The following ANKRD11 variants were observed in gnomAD, a reference collection of about 807,000 sequenced individuals.
ANKRD11 encodes the protein ankyrin repeat domain-containing protein 11.
ANKRD11 carries 17 observed loss-of-function variants against 195.7 expected under a neutral mutation model. The ratio of observed to expected loss-of-function variants is 0.09; its 90% CI spans 0.06 to 0.13. ANKRD11 has a LOEUF of 0.13. Among genes scored for constraint, ANKRD11 ranks in the 10% least tolerant of loss-of-function variants. ANKRD11 has a pLI of 1.00. For synonymous variants in ANKRD11, 1,953 were observed against 1,528.1 expected (o/e 1.28, Z -6.49); for missense variants, 3,735 against 3,566.1 (o/e 1.05, Z -1.21).
intron 2 of ANKRD11, among the ~76,000 whole-genome samples, chr16:89,345,019 G>A (rs1413210016): frequency 6.6e-6 from 1 of 152,196 alleles, no homozygotes; most frequent in African/African-American, 2.4e-5. Context: ...TGAGGCAGGA[G>A]GAACGGCAAG....
chr16:89,461,717 G>A (rs553588315), intron 1 of ANKRD11, among the ~76,000 whole-genome samples: 2 of 152,180 alleles, frequency 1.3e-5, no homozygotes, highest in East Asian at 1.9e-4. Flanking sequence ...TCTTATTTAG[G>A]CTACCTAAAT....
At chr16:89,462,021 TCCCTCTCCCTCC>T (rs1193038052) in intron 1 of ANKRD11, among the ~76,000 whole-genome samples, 2 of 149,844 alleles carry the variant, frequency 1.3e-5, no homozygotes, top group Admixed American at 6.6e-5. Flanking sequence ...AGCGTCACGC[TCCCTCTCCCTCC>T]CCCTCTCCCT....
intron 1 of ANKRD11, 158 bp from the exon 2 acceptor site, chr16:89,418,526 AAACTT>A (rs1184784832): frequency 7.9e-6 from 2 of 253,664 alleles, no homozygotes; most frequent in Non-Finnish European, 1.6e-5. Flanking sequence ...GCCAAGGCCA[AAACTT>A]AACTTCATTC....
At chr16:89,405,063 G>A (rs925448223) in intron 2 of ANKRD11, among the ~76,000 whole-genome samples, 3 of 151,824 alleles carry the variant, frequency 2.0e-5, no homozygotes, top group African/African-American at 4.8e-5. Context: ...ACAGCCCGAC[G>A]CCCCGTCACA....
At chr16:89,436,708 G>A (rs1031936840) in intron 1 of ANKRD11, among the ~76,000 whole-genome samples, 18 of 152,298 alleles carry the variant, frequency 1.2e-4, no homozygotes, top group African/African-American at 3.8e-4. Context: ...ACACTGACAA[G>A]TCAACGGAGG....
intron 7 of ANKRD11, chr16:89,287,167 G>C: frequency 8.1e-7 from 1 of 1,230,492 alleles, no homozygotes; most frequent in Non-Finnish European, 1.1e-6. Context: ...CCCAGTCCCA[G>C]CTGCTTAGGG....
intron 3 of ANKRD11, among the ~76,000 whole-genome samples, chr16:89,316,491 G>A (rs199840082): frequency 2.6e-5 from 4 of 152,182 alleles, no homozygotes; most frequent in East Asian, 1.9e-4. Flanking sequence ...AGCGTTAACC[G>A]CACATTAATA....
chr16:89,321,729 G>C (rs2151936977), intron 2 of ANKRD11, among the ~76,000 whole-genome samples: 1 of 152,216 alleles, frequency 6.6e-6, no homozygotes, highest in Non-Finnish European at 1.5e-5. Flanking sequence ...CTTTGGGGTT[G>C]AAATTCACCT....
chr16:89,314,039 C>T (rs1322947817), intron 3 of ANKRD11, among the ~76,000 whole-genome samples: 2 of 152,158 alleles, frequency 1.3e-5, no homozygotes, highest in African/African-American at 4.8e-5. Flanking sequence ...GCCTTGGCAA[C>T]ATGGTAAGAT....
At chr16:89,476,727 C>G (rs566485363) in intron 1 of ANKRD11, among the ~76,000 whole-genome samples, 5 of 152,330 alleles carry the variant, frequency 3.3e-5, no homozygotes, top group African/African-American at 1.2e-4. Flanking sequence ...TACTACACTT[C>G]CAGCAAAGAG....
chr16:89,471,348 C>T (rs150456244), intron 1 of ANKRD11, among the ~76,000 whole-genome samples: 137 of 152,236 alleles, frequency 9.0e-4, no homozygotes, highest in Middle Eastern at 6.8e-3. Flanking sequence ...TGGAGTGGTG[C>T]TCTCACCACT....
intron 2 of ANKRD11, among the ~76,000 whole-genome samples, chr16:89,355,419 C>T (rs186030037): frequency 3.3e-5 from 5 of 152,322 alleles, no homozygotes; most frequent in African/African-American, 1.2e-4. Flanking sequence ...GTACCATAAA[C>T]TTTTCATCAG....
intron 3 of ANKRD11, among the ~76,000 whole-genome samples, chr16:89,307,180 C>T (rs1405381335): frequency 1.3e-5 from 2 of 152,194 alleles, no homozygotes; most frequent in South Asian, 2.1e-4. Context: ...CGGCAAATAC[C>T]GTGCAGTGGT....
chr16:89,434,030 TAGTGTG>T (rs2043109416), intron 1 of ANKRD11, among the ~76,000 whole-genome samples: 1 of 152,168 alleles, frequency 6.6e-6, no homozygotes, highest in Non-Finnish European at 1.5e-5. Flanking sequence ...AAGATGCCCC[TAGTGTG>T]TCACCTACAG....
chr16:89,270,644 C>T, intron 12 of ANKRD11, 173 bp downstream of exon 12: 1 of 699,518 alleles, frequency 1.4e-6, no homozygotes, highest in Non-Finnish European at 2.5e-6. Flanking sequence ...AGGGACAGGA[C>T]CTCACCTCCC....
intron 2 of ANKRD11, chr16:89,323,094 T>C: frequency 3.2e-6 from 1 of 315,018 alleles, no homozygotes. Context: ...CCCTGCCTTT[T>C]CCAGCTGAGC....
At chr16:89,414,859 G>A (rs1053987671) in intron 2 of ANKRD11, among the ~76,000 whole-genome samples, 1 of 152,216 alleles carries the variant, frequency 6.6e-6, no homozygotes, top group African/African-American at 2.4e-5. Context: ...TCATCTCAAC[G>A]GCTCACATTC....
At chr16:89,481,606 T>C (rs2057447818) in intron 1 of ANKRD11, among the ~76,000 whole-genome samples, 1 of 152,172 alleles carries the variant, frequency 6.6e-6, no homozygotes, top group Admixed American at 6.5e-5. Flanking sequence ...AGTGCTTTCA[T>C]CTAGGCATCC....
At chr16:89,477,458 C>T (rs1226989137) in intron 1 of ANKRD11, among the ~76,000 whole-genome samples, 2 of 151,970 alleles carry the variant, frequency 1.3e-5, no homozygotes, top group African/African-American at 2.4e-5. Context: ...TGGGTTCAAC[C>T]GATTCTCCTG....
Sources: gnomAD v4.1 joint callset for allele counts (sites outside exome capture counted in the v4.1 genomes callset) on GRCh38, gnomAD v4.1.1 for gene constraint, MANE v1.5 for transcripts, NCBI Gene and HGNC (gene_info 2026-07-23, HGNC 2026-07-21) for gene names.